Variants in TACR1 observed in about 807,000 individuals in gnomAD.
The protein encoded by TACR1 is substance-P receptor.
TACR1 carries 25 observed loss-of-function variants against 35.8 expected under a neutral mutation model. That is an observed-to-expected ratio of 0.70 (90% confidence interval 0.51 to 0.98). TACR1 has a LOEUF of 0.98. Ranked by LOEUF, TACR1 falls within the 50% of genes least tolerant of loss-of-function variation. The probability of loss-of-function intolerance (pLI) is 0.00; values close to 1 mark genes in which losing one functional copy is unlikely to be tolerated. For synonymous variants in TACR1, 195 were observed against 206.7 expected, an observed-to-expected ratio of 0.94 and a Z score of 0.48; for missense variants, 478 against 522.9, an observed-to-expected ratio of 0.91 and a Z score of 0.84.
intron 2 of TACR1, among the ~76,000 whole-genome samples, chr2:75,083,753 T>C (rs2097530753): frequency 6.6e-6 from 1 of 152,208 alleles, no homozygotes; most frequent in South Asian, 2.1e-4. Flanking sequence ...ATAAGAATGC[T>C]TGTGATTTTT....
intron 1 of TACR1, among the ~76,000 whole-genome samples, chr2:75,124,225 AT>A (rs1674027848): frequency 6.6e-6 from 1 of 152,240 alleles, no homozygotes; most frequent in African/African-American, 2.4e-5. Flanking sequence ...ATGATGCTTT[AT>A]AAAAAGAACT....
At chr2:75,194,082 A>G (rs1261761248) in intron 1 of TACR1, among the ~76,000 whole-genome samples, 1 of 152,144 alleles carries the variant, frequency 6.6e-6, no homozygotes, top group Non-Finnish European at 1.5e-5. Flanking sequence ...TTTGCCTCCA[A>G]TTCAAACTAT....
At chr2:75,170,141 T>C (rs544149917) in intron 1 of TACR1, among the ~76,000 whole-genome samples, 1 of 152,340 alleles carries the variant, frequency 6.6e-6, no homozygotes, top group South Asian at 2.1e-4. Context: ...CCATTTTGAA[T>C]TGTAGCTTTC....
intron 2 of TACR1, among the ~76,000 whole-genome samples, chr2:75,113,516 T>A: frequency 6.8e-6 from 1 of 146,196 alleles, no homozygotes. Flanking sequence ...TTGGCTTTCC[T>A]CCTTTTTTCT....
intron 3 of TACR1, among the ~76,000 whole-genome samples, chr2:75,052,642 G>A (rs1488662680): frequency 6.6e-6 from 1 of 152,010 alleles, no homozygotes; most frequent in Non-Finnish European, 1.5e-5. Context: ...AGAACAGTGT[G>A]TATTTACTAT....
chr2:75,100,686 GC>G (rs777987953), intron 2 of TACR1, among the ~76,000 whole-genome samples: 1 of 152,156 alleles, frequency 6.6e-6, no homozygotes, highest in Non-Finnish European at 1.5e-5. Flanking sequence ...TTTATCTATA[GC>G]ATAGTACGTA....
At chr2:75,074,174 C>A (rs989699667) in intron 2 of TACR1, among the ~76,000 whole-genome samples, 2 of 152,010 alleles carry the variant, frequency 1.3e-5, no homozygotes, top group Admixed American at 6.6e-5. Context: ...CAAGCTGTAA[C>A]CTGTGCTCCT....
chr2:75,048,395 T>G lies in TACR1; in HGVS notation c.*1037A>C, dbSNP rs1672399825. 1 of 152,182 alleles carries G rather than the reference T, an allele frequency of 6.6e-6. No homozygotes were observed. The highest frequency in any genetic ancestry group is 1.5e-5 in the Non-Finnish European group (1 of 68,044). The allele number at this position is 152,182 out of a possible 1,614,324, so 9.4% of individuals were successfully genotyped here. A position where few individuals can be genotyped will look rare whatever the true frequency, so the allele number is the denominator to read the frequency against. On this transcript the variant is annotated 3_prime_UTR_variant, in exon 5 of 5. Coordinates refer to ENST00000305249, the MANE Select transcript of TACR1 (RefSeq NM_001058.4). ...GATGGATGCAGGCCTTGGCATGAAG[T>G]CCTCTGCTCTGTCAAAAGCCAAAAC...
intron 1 of TACR1, among the ~76,000 whole-genome samples, chr2:75,162,620 A>T (rs1675038579): frequency 1.3e-5 from 2 of 152,234 alleles, no homozygotes; most frequent in South Asian, 4.1e-4. Context: ...ACTTAATTAT[A>T]TTTCATGACT....
chr2:75,098,816 T>G (rs927469537), intron 2 of TACR1, among the ~76,000 whole-genome samples: 4 of 152,228 alleles, frequency 2.6e-5, no homozygotes, highest in African/African-American at 9.6e-5. Context: ...CTGTCAATAC[T>G]TGAAATTTTA....
chr2:75,196,552 A>G (rs1424615023), intron 1 of TACR1, among the ~76,000 whole-genome samples: 3 of 152,130 alleles, frequency 2.0e-5, no homozygotes, highest in East Asian at 1.9e-4. Context: ...CTGAGCAGGT[A>G]TCACAGAGGG....
chr2:75,053,840 G>A, intron 2 of TACR1, 85 bp from the exon 3 acceptor site: 1 of 1,544,056 alleles, frequency 6.5e-7, no homozygotes, highest in South Asian at 1.2e-5. Context: ...TGCAGTCAAG[G>A]TTTGGCAGCT....
chr2:75,183,881 T>C (rs1447141838), intron 1 of TACR1, among the ~76,000 whole-genome samples: 1 of 152,238 alleles, frequency 6.6e-6, no homozygotes, highest in Non-Finnish European at 1.5e-5. Context: ...CCTGTGCTAC[T>C]GCATGATGAG....
chr2:75,099,397 C>T (rs184942488), intron 2 of TACR1, among the ~76,000 whole-genome samples: 7 of 152,218 alleles, frequency 4.6e-5, no homozygotes, highest in African/African-American at 1.7e-4. Context: ...TTACAATTCT[C>T]TCTGTGGAAA....
intron 2 of TACR1, among the ~76,000 whole-genome samples, chr2:75,075,062 A>G (rs759781297): frequency 6.6e-6 from 1 of 152,216 alleles, no homozygotes; most frequent in Non-Finnish European, 1.5e-5. Context: ...TATTCTTTTG[A>G]GTCCAGGAAT....
rs1169654964 is a variant in TACR1 at position 75,047,777 on chromosome 2, C to T, written c.*1655G>A. On this transcript the variant is annotated 3_prime_UTR_variant, in exon 5 of 5. Transcript: ENST00000305249. ...TGGCTTATACTGTTTCTTCTTCCCC[C>T]AGGCCTGTGGATGCCCTGGTAGAAT... 1 of 152,222 alleles carries T rather than the reference C, an allele frequency of 6.6e-6. No homozygotes were observed. Among genetic ancestry groups the T allele is most frequent in the Admixed American group, 6.5e-5 (1 of 15,284 alleles). 9.4% of individuals were successfully genotyped at this position (152,222 alleles called of 1,614,324 possible). A position where few individuals can be genotyped will look rare whatever the true frequency, so the allele number is the denominator to read the frequency against.
At chr2:75,072,648 C>A (rs1672904781) in intron 2 of TACR1, among the ~76,000 whole-genome samples, 1 of 152,178 alleles carries the variant, frequency 6.6e-6, no homozygotes, top group African/African-American at 2.4e-5. Context: ...GCATCAGACT[C>A]TGATAGCCTG....
chr2:75,158,862 C>G (rs1215983331), intron 1 of TACR1, among the ~76,000 whole-genome samples: 1 of 152,194 alleles, frequency 6.6e-6, no homozygotes, highest in Non-Finnish European at 1.5e-5. Flanking sequence ...CCAGGCCTGG[C>G]TCTGCCACCA....
chr2:75,062,337 T>C (rs1672687503), intron 2 of TACR1, among the ~76,000 whole-genome samples: 1 of 152,174 alleles, frequency 6.6e-6, no homozygotes, highest in Non-Finnish European at 1.5e-5. Flanking sequence ...AGAAATAAAT[T>C]CTGAGAAAAT....
Sources: allele counts gnomAD v4.1 joint callset (sites outside exome capture counted in the v4.1 genomes callset), GRCh38; gene constraint gnomAD v4.1.1; transcripts MANE v1.5; gene names NCBI Gene and HGNC (gene_info 2026-07-23, HGNC 2026-07-21).